The following CYRIB variants were observed in gnomAD, a reference collection of about 807,000 sequenced individuals.
CYRIB encodes CYFIP related Rac1 interactor B, also known as CYFIP-related Rac1 interactor B.
A neutral mutation model predicts 44.2 loss-of-function variants in CYRIB; 8 were observed. That is an observed-to-expected ratio of 0.18 (90% CI 0.11 to 0.33). The LOEUF (loss-of-function observed/expected upper bound fraction) is 0.33, where lower values mean the gene tolerates loss of function less well. Ranked by LOEUF, CYRIB falls within the 10% of genes least tolerant of loss-of-function variation. The probability of loss-of-function intolerance (pLI) is 1.00; values close to 1 mark genes in which losing one functional copy is unlikely to be tolerated. For synonymous variants in CYRIB, 131 were observed against 127.2 expected, an observed-to-expected ratio of 1.03 and a Z score of -0.20; for missense variants, 185 against 382.8, an observed-to-expected ratio of 0.48 and a Z score of 4.31.
chr8:129,969,015 C>CTTTTTTTTTTTTTTTTTTT (rs55873104), intron 2 of CYRIB, among the ~76,000 whole-genome samples: 4 of 76,872 alleles, frequency 5.2e-5, no homozygotes, highest in African/African-American at 1.5e-4. Flanking sequence ...ATTTGTCCTC[C>CTTTTTTTTTTTTTTTTTTT]TTTTTTTTTT....
At chr8:129,861,759 ATCT>A (rs2049769547) in intron 5 of CYRIB, among the ~76,000 whole-genome samples, 1 of 151,944 alleles carries the variant, frequency 6.6e-6, no homozygotes, top group Non-Finnish European at 1.5e-5. Flanking sequence ...CCTATTTCTC[ATCT>A]TCTACAGTTT....
intron 6 of CYRIB, among the ~76,000 whole-genome samples, chr8:129,854,696 A>G (rs1298230584): frequency 6.6e-6 from 1 of 152,240 alleles, no homozygotes; most frequent in Non-Finnish European, 1.5e-5. Flanking sequence ...CAATCCTCAA[A>G]CTAGAATTTT....
intron 2 of CYRIB, among the ~76,000 whole-genome samples, chr8:129,956,517 A>G (rs1334562729): frequency 2.0e-5 from 3 of 148,252 alleles, no homozygotes. Context: ...ATATATACAC[A>G]TACATGTCTT....
chr8:129,939,759 T>G (rs1426214784), exon 1 of CYRIB: 4 of 151,938 alleles, frequency 2.6e-5, no homozygotes. Context: ...CCTGCCCCTG[T>G]GGCAGAGCCG....
chr8:129,930,957 G>C (rs2091057544), intron 1 of CYRIB, among the ~76,000 whole-genome samples: 2 of 151,818 alleles, frequency 1.3e-5, no homozygotes, highest in Admixed American at 1.3e-4. Flanking sequence ...AAAAAACTCG[G>C]TAAATATATT....
chr8:130,005,979 G>A lies in CYRIB; in HGVS notation c.-296+10391C>T, dbSNP rs567762178. ...CTCTAACCCAGTGACAGGGACCTCT[G>A]CATCAGAATCACTTAGAATGCTCAT... On this transcript the variant is annotated intron_variant, in intron 1 of 14. Transcript: ENST00000401979. Among the ~76,000 whole-genome samples, 3 of 152,096 alleles carry A rather than the reference G, an allele frequency of 2.0e-5. No homozygotes were observed. The East Asian group carries it at 5.8e-4, about 29-fold the overall frequency.
At chr8:129,885,756 T>C (rs554748458) in intron 2 of CYRIB, among the ~76,000 whole-genome samples, 1 of 152,200 alleles carries the variant, frequency 6.6e-6, no homozygotes, top group Admixed American at 6.5e-5. Flanking sequence ...AGCCTCAGTT[T>C]TGCTACCTCA....
At position 129,854,357 on chromosome 8, in the gene CYRIB, T is replaced by C; in HGVS notation, c.439-14A>G. Reference sequence around the variant, plus strand: ...AGGATTTGTCATCTGAAGAAGACAGTTGTGGAAAAAAAATGTTATGTACTA... The same window carrying C: ...AGGATTTGTCATCTGAAGAAGACAGCTGTGGAAAAAAAATGTTATGTACTA... On this transcript the variant is annotated splice_polypyrimidine_tract_variant and intron_variant, in intron 6 of 11. Transcript: ENST00000519824. 1.9e-6 allele frequency: 3 copies of C among 1,589,188 alleles called. No homozygotes were observed. Among genetic ancestry groups the C allele is most frequent in the South Asian group, 1.2e-5 (1 of 86,630 alleles).
At chr8:129,956,144 G>T (rs1591092628) in intron 2 of CYRIB, among the ~76,000 whole-genome samples, 1 of 152,116 alleles carries the variant, frequency 6.6e-6, no homozygotes, top group Admixed American at 6.6e-5. Flanking sequence ...CTCGTGGAGC[G>T]CAGTGAGAAT....
chr8:129,955,207 CGT>C (rs2094737376), intron 2 of CYRIB, among the ~76,000 whole-genome samples: 1 of 145,324 alleles, frequency 6.9e-6, no homozygotes, highest in African/African-American at 2.6e-5. Flanking sequence ...GAGCCAAGAT[CGT>C]GCCACTGCAC....
At chr8:129,943,165 C>T (rs912072769), upstream of CYRIB, among the ~76,000 whole-genome samples, 7 of 147,916 alleles carry the variant, frequency 4.7e-5, no homozygotes, top group African/African-American at 1.8e-4. Context: ...GTCCCTGCTC[C>T]GGAGGGGCTG....
At chr8:129,899,092 G>A (rs1164610700) in intron 2 of CYRIB, among the ~76,000 whole-genome samples, 2 of 152,076 alleles carry the variant, frequency 1.3e-5, no homozygotes, top group African/African-American at 4.8e-5. Flanking sequence ...TCGAACTCCT[G>A]ACACCTCAGG....
chr8:130,016,682 GT>G (rs1387224479), upstream of CYRIB: 1 of 148,766 alleles, frequency 6.7e-6, no homozygotes, highest in Admixed American at 6.7e-5. Flanking sequence ...CCCGCGCCCA[GT>G]CCCCGCCGCA....
intron 3 of CYRIB, among the ~76,000 whole-genome samples, chr8:129,876,370 AAAAAC>A (rs909324910): frequency 1.3e-5 from 2 of 152,134 alleles, no homozygotes; most frequent in South Asian, 4.1e-4. Context: ...ACCCTGTCTC[AAAAAC>A]AAAACAAAAC....
intron 1 of CYRIB, among the ~76,000 whole-genome samples, chr8:129,907,151 G>A (rs535647947): frequency 1.1e-4 from 16 of 152,300 alleles, no homozygotes; most frequent in South Asian, 4.1e-4. Context: ...ACATGCACAC[G>A]TATGTTTATT....
Position 129,927,702 on chromosome 8 carries a change from A to C in CYRIB, c.-50+11906T>G, listed in dbSNP as rs148958832. Among the ~76,000 whole-genome samples the C allele has an allele frequency of 3.4e-4, 52 of 152,282 alleles. No homozygotes were observed. The East Asian group carries it at 5.6e-3, about 16-fold the overall frequency. ...TTCTTTTACTACTCTATATTGTTTCAATTTTTTTATAAATATGAGCATGTA... is the reference window on the plus strand; with the variant it reads ...TTCTTTTACTACTCTATATTGTTTCCATTTTTTTATAAATATGAGCATGTA... On this transcript the variant is annotated intron_variant, in intron 1 of 11. Transcript: ENST00000519824.
At chr8:129,953,970 A>T (rs2094641184) in intron 2 of CYRIB, among the ~76,000 whole-genome samples, 1 of 152,208 alleles carries the variant, frequency 6.6e-6, no homozygotes, top group Admixed American at 6.5e-5. Flanking sequence ...AAAAGGAAAG[A>T]TATTGCATAA....
At chr8:130,009,576 T>A (rs917795591) in intron 1 of CYRIB, among the ~76,000 whole-genome samples, 1 of 151,996 alleles carries the variant, frequency 6.6e-6, no homozygotes, top group East Asian at 1.9e-4. Flanking sequence ...CCCAAAAGCA[T>A]CATGAAAAAC....
intron 1 of CYRIB, among the ~76,000 whole-genome samples, chr8:129,932,367 G>C (rs1445945175): frequency 1.3e-5 from 2 of 152,158 alleles, no homozygotes; most frequent in African/African-American, 4.8e-5. Context: ...CATGCTTACT[G>C]TCTGTTCAGT....
Sources: allele counts gnomAD v4.1 joint callset (sites outside exome capture counted in the v4.1 genomes callset), GRCh38; gene constraint gnomAD v4.1.1; transcripts MANE v1.5; gene names NCBI Gene and HGNC (gene_info 2026-07-23, HGNC 2026-07-21).